The following KCND2 variants were observed in gnomAD, a reference collection of about 807,000 sequenced individuals.
The protein encoded by KCND2 is potassium voltage-gated channel subfamily D member 2.
A neutral mutation model predicts 54.4 loss-of-function variants in KCND2; 16 were observed. That is an observed-to-expected ratio of 0.29 (90% CI 0.20 to 0.45). KCND2 has a LOEUF of 0.45. KCND2 is among the 20% of genes least tolerant of loss of function. The pLI is 1.00. For synonymous variants in KCND2, 317 were observed against 310.7 expected (o/e 1.02, Z -0.21); for missense variants, 486 against 824.2 (o/e 0.59, Z 5.02).
At chr7:120,276,461 AT>A (rs11431838) in intron 1 of KCND2, among the ~76,000 whole-genome samples, 1 of 151,162 alleles carries the variant, frequency 6.6e-6, no homozygotes, top group Non-Finnish European at 1.5e-5. Flanking sequence ...TCATCCACAC[AT>A]TTTTTTTTAG....
rs55755276 is a variant in KCND2 at position 120,741,669 on chromosome 7, T to C, written c.1374+40T>C. 315 of 1,383,848 alleles carry C rather than the reference T, an allele frequency of 2.3e-4. 8 individuals carry two copies. In the East Asian group the frequency reaches 7.1e-3, roughly 31 times the overall value. The allele number at this position is 1,383,848 out of a possible 1,614,324, so 85.7% of individuals were successfully genotyped here. Reference sequence around the variant, plus strand: ...ATCTCTTTTTTTAATGTTCAATTTCTTGGTTTAATATTGATTTAGTTCTAC... The same window carrying C: ...ATCTCTTTTTTTAATGTTCAATTTCCTGGTTTAATATTGATTTAGTTCTAC... On this transcript the variant is annotated intron_variant, in intron 3 of 5. Transcript: ENST00000331113.
intron 1 of KCND2, among the ~76,000 whole-genome samples, chr7:120,292,671 A>T (rs1317001469): frequency 6.6e-6 from 1 of 151,900 alleles, no homozygotes; most frequent in African/African-American, 2.4e-5. Flanking sequence ...ATTTTTATCA[A>T]GTTTTAAAAA....
intron 1 of KCND2, among the ~76,000 whole-genome samples, chr7:120,684,504 A>G (rs1477673208): frequency 2.6e-5 from 4 of 152,184 alleles, no homozygotes; most frequent in African/African-American, 9.7e-5. Context: ...TTGTAATACA[A>G]GCAACTTTTG....
intron 1 of KCND2, among the ~76,000 whole-genome samples, chr7:120,387,425 T>C (rs953813359): frequency 2.0e-5 from 3 of 152,020 alleles, no homozygotes; most frequent in Admixed American, 6.6e-5. Context: ...TTAAAGAGTA[T>C]TTTTAATCAT....
Position 120,304,208 on chromosome 7 carries a change from G to A in KCND2, c.1115+28461G>A, listed in dbSNP as rs74836296. ...TTTTTTAGCATGTCTTATATGTGAA[G>A]AAGTAGAGAGCACATCTATTTAATC... On this transcript the variant is annotated intron_variant, in intron 1 of 5. Transcript: ENST00000331113. Among the ~76,000 whole-genome samples the A allele has an allele frequency of 7.3e-4, 111 of 152,218 alleles. No individual in the cohort carries two copies. In the East Asian group the frequency reaches 0.021, roughly 28 times the overall value.
chr7:120,601,041 C>A (rs1030622208), intron 1 of KCND2, among the ~76,000 whole-genome samples: 1 of 152,024 alleles, frequency 6.6e-6, no homozygotes, highest in Non-Finnish European at 1.5e-5. Context: ...GTTTTAATAA[C>A]AGTTAATAAT....
chr7:120,539,849 C>T (rs2116378474), intron 1 of KCND2, among the ~76,000 whole-genome samples: 1 of 152,256 alleles, frequency 6.6e-6, no homozygotes, highest in East Asian at 1.9e-4. Flanking sequence ...CCTAGACTTA[C>T]TCATCCAACA....
At chr7:120,685,428 A>G (rs1327779692) in intron 1 of KCND2, among the ~76,000 whole-genome samples, 1 of 152,148 alleles carries the variant, frequency 6.6e-6, no homozygotes, top group Non-Finnish European at 1.5e-5. Context: ...TCAGATTACA[A>G]TGGAAGCAGA....
chr7:120,718,120 A>C (rs564845819), intron 1 of KCND2, among the ~76,000 whole-genome samples: 1 of 152,178 alleles, frequency 6.6e-6, no homozygotes, highest in East Asian at 1.9e-4. Flanking sequence ...AGATGAGCTA[A>C]TAGTCAGAGA....
At chr7:120,364,831 A>G (rs1337568778) in intron 1 of KCND2, among the ~76,000 whole-genome samples, 1 of 152,110 alleles carries the variant, frequency 6.6e-6, no homozygotes, top group Non-Finnish European at 1.5e-5. Context: ...CTTGCCCGTC[A>G]GACTTAGCAG....
At chr7:120,689,841 T>A (rs1045944352) in intron 1 of KCND2, among the ~76,000 whole-genome samples, 2 of 152,202 alleles carry the variant, frequency 1.3e-5, no homozygotes, top group Non-Finnish European at 2.9e-5. Flanking sequence ...TATTCTCCAT[T>A]AATGAATTCC....
chr7:120,353,055 C>T (rs1263954413), intron 1 of KCND2, among the ~76,000 whole-genome samples: 1 of 150,934 alleles, frequency 6.6e-6, no homozygotes, highest in Non-Finnish European at 1.5e-5. Context: ...TGTATTAACC[C>T]TATACAAATT....
At chr7:120,556,062 A>G (rs1792159277) in intron 1 of KCND2, among the ~76,000 whole-genome samples, 1 of 152,220 alleles carries the variant, frequency 6.6e-6, no homozygotes, top group South Asian at 2.1e-4. Context: ...TTCTTGACAC[A>G]TGTAAGTTAT....
At chr7:120,338,158 T>G (rs1800178403) in intron 1 of KCND2, among the ~76,000 whole-genome samples, 1 of 152,180 alleles carries the variant, frequency 6.6e-6, no homozygotes, top group South Asian at 2.1e-4. Context: ...CTCATGTCAT[T>G]TTATCACTTT....
rs75588460 is a variant in KCND2 at position 120,621,410 on chromosome 7, G to T, written c.1116-111493G>T. ...TTCTTTAAACACATTGAAGGATGGG[G>T]TGCCAATTTTTGCACTGTGCCCATG... On this transcript the variant is annotated intron_variant, in intron 1 of 5. Transcript: ENST00000331113. Among the ~76,000 whole-genome samples, 895 of 151,860 alleles carry T rather than the reference G, an allele frequency of 5.9e-3. 15 individuals are homozygous for T. Among genetic ancestry groups the T allele is most frequent in the African/African-American group, 0.02 (843 of 41,382 alleles).
intron 1 of KCND2, among the ~76,000 whole-genome samples, chr7:120,648,072 T>A (rs1033130306): frequency 2.0e-5 from 3 of 152,200 alleles, no homozygotes; most frequent in Non-Finnish European, 2.9e-5. Context: ...AAAAGAAATA[T>A]GATAAAAATA....
intron 1 of KCND2, among the ~76,000 whole-genome samples, chr7:120,684,374 T>C (rs1259225762): frequency 6.6e-6 from 1 of 152,178 alleles, no homozygotes; most frequent in Non-Finnish European, 1.5e-5. Flanking sequence ...AAGTACAACA[T>C]GTACTTCTGG....
intron 1 of KCND2, among the ~76,000 whole-genome samples, chr7:120,429,380 A>G (rs1037564095): frequency 2.0e-5 from 3 of 152,202 alleles, no homozygotes; most frequent in Non-Finnish European, 4.4e-5. Context: ...GTAAATTACT[A>G]ATTGTATTAA....
intron 1 of KCND2, among the ~76,000 whole-genome samples, chr7:120,383,318 T>C (rs1800939089): frequency 6.6e-6 from 1 of 152,012 alleles, no homozygotes; most frequent in Admixed American, 6.6e-5. Flanking sequence ...TCTACCCGCA[T>C]TTACTCTAAA....
Sources: allele counts gnomAD v4.1 joint callset (sites outside exome capture counted in the v4.1 genomes callset), GRCh38; gene constraint gnomAD v4.1.1; transcripts MANE v1.5; gene names NCBI Gene and HGNC (gene_info 2026-07-23, HGNC 2026-07-21).